KCNIP4: variants seen among roughly 807,000 people sequenced by gnomAD.
KCNIP4 encodes potassium voltage-gated channel interacting protein 4.
Under a neutral mutation model 34.0 loss-of-function variants are expected in KCNIP4, and 12 were observed. The observed-to-expected ratio is 0.35, with a 90% CI of 0.23 to 0.57. KCNIP4 has a LOEUF of 0.57. KCNIP4 is among the 20% of genes least tolerant of loss of function. KCNIP4 has a pLI of 0.83. For synonymous variants in KCNIP4, 124 were observed against 102.2 expected (o/e 1.21, Z -1.29); for missense variants, 238 against 311.7 (o/e 0.76, Z 1.78).
chr4:21,470,720 A>G (rs1730388274), intron 1 of KCNIP4, among the ~76,000 whole-genome samples: 2 of 152,148 alleles, frequency 1.3e-5, no homozygotes, highest in Admixed American at 1.3e-4. Flanking sequence ...ACAACCCCAA[A>G]GAGCTTGTGG....
chr4:21,471,169 C>T (rs943592835), intron 1 of KCNIP4, among the ~76,000 whole-genome samples: 1 of 152,114 alleles, frequency 6.6e-6, no homozygotes, highest in Non-Finnish European at 1.5e-5. Flanking sequence ...TTGGCAAGTA[C>T]TCTCTGTGGC....
chr4:21,564,848 CTGTTT>C (rs5856644), intron 1 of KCNIP4, among the ~76,000 whole-genome samples: 6,175 of 151,982 alleles, frequency 0.041, 670 homozygotes, highest in East Asian at 0.27. Flanking sequence ...ATGCCAGGTT[CTGTTT>C]TAACAAATAG....
intron 3 of KCNIP4, among the ~76,000 whole-genome samples, chr4:20,817,594 CTATCACCTTATTGCCATT>C (rs1210653089): frequency 1.3e-5 from 2 of 151,906 alleles, no homozygotes; most frequent in Non-Finnish European, 2.9e-5. Context: ...TTTACCTTTG[CTATCACCTTATTGCCATT>C]TATCATGGTG....
intron 1 of KCNIP4, among the ~76,000 whole-genome samples, chr4:21,868,859 TC>T (rs1725586927): frequency 6.6e-6 from 1 of 152,184 alleles, no homozygotes; most frequent in South Asian, 2.1e-4. Flanking sequence ...TTGGAACTGA[TC>T]TTTCTTTGAC....
At chr4:21,396,472 C>T (rs1195143264) in intron 1 of KCNIP4, among the ~76,000 whole-genome samples, 2 of 133,730 alleles carry the variant, frequency 1.5e-5, no homozygotes, top group Admixed American at 9.0e-5. Context: ...AGGAGAGTTG[C>T]CTGAACCCGG....
At chr4:21,784,709 C>T (rs1038980982) in intron 1 of KCNIP4, among the ~76,000 whole-genome samples, 2 of 152,144 alleles carry the variant, frequency 1.3e-5, no homozygotes, top group Non-Finnish European at 2.9e-5. Context: ...GAAAATCCAA[C>T]TAGGTCAAAT....
chr4:20,994,385 G>C (rs1737352878), intron 1 of KCNIP4, among the ~76,000 whole-genome samples: 1 of 152,182 alleles, frequency 6.6e-6, no homozygotes, highest in Non-Finnish European at 1.5e-5. Flanking sequence ...GAGTGTGTGT[G>C]TTTTATTTTT....
intron 1 of KCNIP4, among the ~76,000 whole-genome samples, chr4:21,381,483 A>G (rs916594284): frequency 2.0e-5 from 3 of 152,322 alleles, no homozygotes; most frequent in African/African-American, 7.2e-5. Flanking sequence ...ATGTACATAG[A>G]AAAGATATGT....
At chr4:20,786,075 A>G (rs1366613452) in intron 3 of KCNIP4, among the ~76,000 whole-genome samples, 1 of 152,180 alleles carries the variant, frequency 6.6e-6, no homozygotes, top group Non-Finnish European at 1.5e-5. Context: ...TGAATTGGGT[A>G]AAGAAAATGT....
chr4:21,419,212 T>G (rs1352750116), intron 1 of KCNIP4, among the ~76,000 whole-genome samples: 1 of 152,214 alleles, frequency 6.6e-6, no homozygotes, highest in Non-Finnish European at 1.5e-5. Flanking sequence ...AGCTCTAGCA[T>G]CAAGCATGGT....
At chr4:21,251,336 A>G (rs10213668) in intron 1 of KCNIP4, among the ~76,000 whole-genome samples, 6,401 of 152,202 alleles carry the variant, frequency 0.042, 468 homozygotes, top group African/African-American at 0.15. Flanking sequence ...TATTGTTTTC[A>G]TTTGTATTTG....
chr4:21,253,855 T>C (rs1760883790), intron 1 of KCNIP4, among the ~76,000 whole-genome samples: 1 of 152,236 alleles, frequency 6.6e-6, no homozygotes, highest in Non-Finnish European at 1.5e-5. Flanking sequence ...ATGTGGGATG[T>C]TATTCAGATG....
rs182795591 is a variant in KCNIP4 at position 21,637,151 on chromosome 4, G to T, written c.61+311420C>A. ...GTGGAACCCTTGAATATGGAGGGTG[G>T]ACTGTACTGATCAGCTCCTAAATGT... On this transcript the variant is annotated intron_variant, in intron 1 of 8. Transcript: ENST00000382152. 2.0e-5 allele frequency among the ~76,000 whole-genome samples: 3 copies of T among 152,202 alleles called. 1 individual carries two copies. The highest frequency in any genetic ancestry group is 2.0e-4 in the Admixed American group (3 of 15,278).
At chr4:21,149,196 G>A (rs6846611) in intron 1 of KCNIP4, among the ~76,000 whole-genome samples, 99,541 of 152,038 alleles carry the variant, frequency 0.65, 33,091 homozygotes, top group African/African-American at 0.77. Flanking sequence ...ATAGTTTTGG[G>A]ATAAACAATT....
At chr4:20,784,988 C>T (rs961423777) in intron 3 of KCNIP4, among the ~76,000 whole-genome samples, 14 of 152,150 alleles carry the variant, frequency 9.2e-5, no homozygotes, top group South Asian at 2.1e-4. Flanking sequence ...AAGGCAAATA[C>T]GATTTTCTGC....
At chr4:21,284,486 T>C (rs1762979406) in intron 1 of KCNIP4, among the ~76,000 whole-genome samples, 1 of 152,106 alleles carries the variant, frequency 6.6e-6, no homozygotes, top group South Asian at 2.1e-4. Flanking sequence ...GCCTTGGATG[T>C]AGAGCCCAAG....
intron 3 of KCNIP4, among the ~76,000 whole-genome samples, chr4:20,807,430 C>G (rs897540555): frequency 6.6e-6 from 1 of 152,062 alleles, no homozygotes; most frequent in African/African-American, 2.4e-5. Context: ...TTGTAGGCCA[C>G]ATCCAGTTTA....
At chr4:21,465,678 A>G (rs1729860535) in intron 1 of KCNIP4, among the ~76,000 whole-genome samples, 1 of 152,078 alleles carries the variant, frequency 6.6e-6, no homozygotes, top group South Asian at 2.1e-4. Flanking sequence ...TTTAATTTGG[A>G]GACCAGGCAT....
chr4:21,195,797 T>C (rs950673084), intron 1 of KCNIP4, among the ~76,000 whole-genome samples: 12 of 152,216 alleles, frequency 7.9e-5, no homozygotes, highest in African/African-American at 2.9e-4. Context: ...TCATTAAGAA[T>C]GTTGCAACTT....
Sources: gnomAD v4.1 joint callset for allele counts (sites outside exome capture counted in the v4.1 genomes callset) on GRCh38, gnomAD v4.1.1 for gene constraint, MANE v1.5 for transcripts, NCBI Gene and HGNC (gene_info 2026-07-23, HGNC 2026-07-21) for gene names.